Variants in ZNF229 observed in about 807,000 individuals in gnomAD.
ZNF229 encodes the protein zinc finger protein 229.
A neutral mutation model predicts 11.8 loss-of-function variants in ZNF229; 10 were observed. The ratio of observed to expected loss-of-function variants is 0.85; its 90% confidence interval spans 0.52 to 1.44. ZNF229 has a LOEUF of 1.44. ZNF229 is among the 40% of genes most tolerant of loss of function. The pLI is 0.00. For synonymous variants in ZNF229, 368 were observed against 374.8 expected (o/e 0.98, Z 0.21); for missense variants, 1,045 against 1,015.1 (o/e 1.03, Z -0.40).
Position 44,429,921 on chromosome 19 carries a change from G to A in ZNF229, c.860C>T (p.Pro287Leu). The A allele has an allele frequency of 6.2e-7, 1 of 1,614,044 alleles. No individual in the cohort carries two copies. Among genetic ancestry groups the A allele is most frequent in the East Asian group, 2.2e-5 (1 of 44,870 alleles). The change falls in exon 6 of 6, where the codon CCT becomes CTT. Residue 287 changes from proline (P) to leucine (L), a missense_variant. Transcript: ENST00000614049. ...ATATTGACAGAGTTTCTCTTTCAAA[G>A]GTACTCTTGGATGCGGGGGAAGGTC... ...DADLPPHPRVPLKEKLCQYDE... is the reference protein window; with the variant it reads ...DADLPPHPRVLLKEKLCQYDE...
chr19:44,447,017 T>G (rs1438247711), intron 2 of ZNF229, among the ~76,000 whole-genome samples: 2 of 152,226 alleles, frequency 1.3e-5, no homozygotes, highest in Non-Finnish European at 2.9e-5. Flanking sequence ...GGTTTCTGTT[T>G]AGAAGGTCTC....
intron 4 of ZNF229, among the ~76,000 whole-genome samples, chr19:44,440,689 G>A (rs2123372488): frequency 6.6e-6 from 1 of 151,778 alleles, no homozygotes; most frequent in Admixed American, 6.6e-5. Flanking sequence ...AGAATTTTAA[G>A]CCCTGGCAAC....
At chr19:44,431,856 T>C in intron 5 of ZNF229, 1 of 976,206 alleles carries the variant, frequency 1.0e-6, no homozygotes, top group Non-Finnish European at 1.2e-6. Flanking sequence ...CGTGATACCA[T>C]TAGGAGGTGG....
chr19:44,441,865 T>C (rs2123375597), intron 4 of ZNF229, among the ~76,000 whole-genome samples: 1 of 152,368 alleles, frequency 6.6e-6, no homozygotes, highest in Middle Eastern at 3.4e-3. Flanking sequence ...TGTGTGGATG[T>C]ACCCATTTCT....
In ZNF229 at chr19:44,442,798, C is replaced by CCCCCA; in HGVS notation, c.34+15_34+16insTGGGG. 2 of 1,587,020 alleles carry CCCCCA rather than the reference C, an allele frequency of 1.3e-6. No individual in the cohort carries two copies. The highest frequency in any genetic ancestry group is 1.7e-6 in the Non-Finnish European group (2 of 1,155,624). ...TTTGGATTCTCCCCCCACCCACCCC[C>CCCCCA]TCTATTAGCTGTCACCTCTTTTCTC... is the stretch of plus-strand genomic sequence containing the variant. On this transcript the variant is annotated intron_variant, in intron 3 of 5. Coordinates refer to ENST00000614049, the MANE Select transcript of ZNF229 (RefSeq NM_014518.4).
At chr19:44,438,964 TTG>T (rs1475952336) in intron 4 of ZNF229, among the ~76,000 whole-genome samples, 1 of 152,074 alleles carries the variant, frequency 6.6e-6, no homozygotes, top group African/African-American at 2.4e-5. Flanking sequence ...AAAGAGTGGG[TTG>T]TGGGAACCCC....
Position 44,430,148 on chromosome 19 carries a change from T to C in ZNF229, c.633A>G (p.Thr211=). The C allele has an allele frequency of 6.2e-7, 1 of 1,614,126 alleles. No homozygotes were observed. The part of the protein sequence containing the change: ...ERCKNLDTED[T]VYKCNWDDDS... ...CATCATCCCAGTTACATTTATATAC[T>C]GTGTCTTCTGTGTCGAGATTTTTAC... The change falls in exon 6 of 6, where the codon ACA becomes ACG. Residue 211 remains threonine (T), a synonymous_variant. Coordinates refer to ENST00000614049, the MANE Select transcript of ZNF229 (RefSeq NM_014518.4).
intron 2 of ZNF229, among the ~76,000 whole-genome samples, chr19:44,445,478 G>A (rs987018597): frequency 6.6e-6 from 1 of 152,060 alleles, no homozygotes; most frequent in Non-Finnish European, 1.5e-5. Context: ...GCTCAGCTCT[G>A]GCTTCCTTGC....
chr19:44,444,191 T>G (rs1008474435), intron 2 of ZNF229, among the ~76,000 whole-genome samples: 1 of 152,190 alleles, frequency 6.6e-6, no homozygotes, highest in Non-Finnish European at 1.5e-5. Flanking sequence ...CGGGAGGTAG[T>G]GCAAAGACAG....
intron 5 of ZNF229, among the ~76,000 whole-genome samples, chr19:44,431,015 T>C (rs184614811): frequency 1.2e-3 from 190 of 152,186 alleles, no homozygotes; most frequent in Non-Finnish European, 2.2e-3. Flanking sequence ...TATTCCACCA[T>C]ACTGTGAGGC....
At position 44,440,185 on chromosome 19, in the gene ZNF229, A is replaced by C. The variant is rs374663928; in HGVS notation, c.93+2378T>G. Among the ~76,000 whole-genome samples the C allele has an allele frequency of 2.0e-5, 3 of 152,198 alleles. No individual in the cohort carries two copies. The South Asian group carries it at 6.2e-4, about 32-fold the overall frequency. ...AATCGCAGCTAGGATTGGAAGAAAA[A>C]AACAACTTAGAGCTTAGCCTAAACA... On this transcript the variant is annotated intron_variant, in intron 4 of 5. Transcript: ENST00000614049.
chr19:44,429,275 C>T lies in ZNF229; in HGVS notation c.1506G>A (p.Ser502=), dbSNP rs200419234. Reference sequence around the variant, plus strand: ...GAACTCTCTGGTGAGCTTGAAGGTACGAGTTGTGACTGAAACCTTTGCCAC... The same window carrying T: ...GAACTCTCTGGTGAGCTTGAAGGTATGAGTTGTGACTGAAACCTTTGCCAC... ...DKCGKGFSHN[S]YLQAHQRVHM... is the part of the protein sequence containing the mutation. The change falls in exon 6 of 6, where the codon TCG becomes TCA. Residue 502 remains serine, a synonymous_variant. Coordinates refer to ENST00000614049, the MANE Select transcript of ZNF229 (RefSeq NM_014518.4). The T allele has an allele frequency of 2.8e-4, 444 of 1,613,816 alleles. 2 individuals are homozygous for T. The African/African-American group carries it at 5.0e-3, about 18-fold the overall frequency.
rs201820265 is a variant in ZNF229, at chr19:44,428,804, T to G, written c.1977A>C (p.Gln659His). The change falls in exon 6 of 6, where the codon CAA (glutamine) becomes CAC (histidine). Residue 659 changes from glutamine (Q) to histidine (H), a missense_variant. Coordinates refer to ENST00000614049, the MANE Select transcript of ZNF229 (RefSeq NM_014518.4). ...VHTGEKPYRC[Q>H]ECGKGFRCTS... ...TGCACCTAAAGCCCTTTCCGCACTC[T>G]TGGCATCTGTAAGGTTTCTCGCCTG... The G allele has an allele frequency of 5.8e-4, 935 of 1,613,240 alleles. 5 individuals are homozygous for G. Among genetic ancestry groups the G allele is most frequent in the South Asian group, 3.4e-3 (311 of 90,996 alleles).
At chr19:44,436,878 T>C (rs553767630) in intron 4 of ZNF229, among the ~76,000 whole-genome samples, 1 of 152,280 alleles carries the variant, frequency 6.6e-6, no homozygotes, top group South Asian at 2.1e-4. Flanking sequence ...CTGTATTTCC[T>C]TCTGTCTTTG....
chr19:44,440,905 T>C (rs1326371354), intron 4 of ZNF229, among the ~76,000 whole-genome samples: 2 of 151,936 alleles, frequency 1.3e-5, no homozygotes, highest in African/African-American at 4.8e-5. Flanking sequence ...TTAGTATTTT[T>C]GTAGAGACAA....
At position 44,431,382 on chromosome 19, in the gene ZNF229, C is replaced by T. The variant is rs188456666; in HGVS notation, c.238+840G>A. ...TATTGCCTATTTTTATCTTTCAGGG[C>T]TTGGGTAACAAGAACCTGTTTATAA... On this transcript the variant is annotated intron_variant, in intron 5 of 5. Coordinates refer to ENST00000614049, the MANE Select transcript of ZNF229 (RefSeq NM_014518.4). Among the ~76,000 whole-genome samples the T allele has an allele frequency of 4.6e-5, 7 of 152,126 alleles. No individual in the cohort carries two copies. In the East Asian group the frequency reaches 1.4e-3, roughly 29 times the overall value.
chr19:44,444,897 T>C (rs1971977925), intron 2 of ZNF229, among the ~76,000 whole-genome samples: 1 of 152,184 alleles, frequency 6.6e-6, no homozygotes, highest in South Asian at 2.1e-4. Flanking sequence ...TCAGGAAGCC[T>C]CAAGAGTCAG....
rs374653789 is a variant in ZNF229 at position 44,429,951 on chromosome 19, T to A, written c.830A>T (p.Asp277Val). 161 of 1,613,974 alleles carry A rather than the reference T, an allele frequency of 1.0e-4. No individual in the cohort carries two copies. In the Middle Eastern group the frequency reaches 3.0e-3, roughly 30 times the overall value. ...TCTTGGATGCGGGGGAAGGTCTGCA[T>A]CGTCCCTGAAGCCATTTCTGTATTC... ...SNEYRNGFRD[D>V]ADLPPHPRVP... is the part of the protein sequence containing the mutation. The change falls in exon 6 of 6, where the codon GAT becomes GTT. Residue 277 changes from aspartate (D) to valine (V), a missense_variant. Coordinates refer to ENST00000614049, the MANE Select transcript of ZNF229 (RefSeq NM_014518.4).
intron 4 of ZNF229, 42 bp downstream of exon 4, chr19:44,442,521 T>G: frequency 6.2e-7 from 1 of 1,600,756 alleles, no homozygotes; most frequent in Non-Finnish European, 8.6e-7. Context: ...TTCTCTCTGA[T>G]GCCTAAGGTG....
Sources: allele counts gnomAD v4.1 joint callset (sites outside exome capture counted in the v4.1 genomes callset), GRCh38; gene constraint gnomAD v4.1.1; transcripts MANE v1.5; gene names NCBI Gene and HGNC (gene_info 2026-07-23, HGNC 2026-07-21).